Variants in ARHGEF7 observed in about 807,000 individuals in gnomAD.
The protein encoded by ARHGEF7 is PAK-interacting exchange factor beta.
A neutral mutation model predicts 109.8 loss-of-function variants in ARHGEF7; 33 were observed. The ratio of observed to expected loss-of-function variants is 0.30; its 90% CI spans 0.23 to 0.40. The LOEUF is 0.40. Among genes scored for constraint, ARHGEF7 ranks in the 10% least tolerant of loss-of-function variants. The pLI, the probability that ARHGEF7 is intolerant of heterozygous loss-of-function variation, is 1.00. For synonymous variants in ARHGEF7, 458 were observed against 424.6 expected (o/e 1.08, Z -0.97); for missense variants, 938 against 1,098.5 (o/e 0.85, Z 2.07).
intron 19 of ARHGEF7, chr13:111,294,305 G>A (rs1021365626): frequency 4.1e-6 from 4 of 985,334 alleles, no homozygotes; most frequent in Non-Finnish European, 4.8e-6. Context: ...ACTCATTAGC[G>A]CACTGGCTAA....
intron 8 of ARHGEF7, among the ~76,000 whole-genome samples, chr13:111,252,492 T>G (rs1403339542): frequency 2.0e-5 from 3 of 152,216 alleles, no homozygotes; most frequent in African/African-American, 7.2e-5. Flanking sequence ...TGCTGCAAAT[T>G]AAATGATTGC....
rs746859782 is a variant in ARHGEF7 at position 111,286,130 on chromosome 13, C to A, written c.1951-17C>A. 1 of 1,600,906 alleles carries A rather than the reference C, an allele frequency of 6.2e-7. No individual in the cohort carries two copies. Among genetic ancestry groups the A allele is most frequent in the East Asian group, 2.2e-5 (1 of 44,802 alleles). ...TGGCTTTAGAGTATGTTAGCATTTT[C>A]TTTTGTCTTTCCCTAGGATCTTAGT... On this transcript the variant is annotated splice_polypyrimidine_tract_variant and intron_variant, in intron 16 of 21. Transcript: ENST00000646102.
intron 2 of ARHGEF7, among the ~76,000 whole-genome samples, chr13:111,199,576 G>A (rs1335133253): frequency 6.6e-6 from 1 of 152,176 alleles, no homozygotes; most frequent in African/African-American, 2.4e-5. Context: ...TCTTCCTCAT[G>A]TCCAAATGAG....
chr13:111,288,141 A>G lies in ARHGEF7; in HGVS notation c.2045-213A>G, dbSNP rs78237557. On this transcript the variant is annotated intron_variant, in intron 17 of 21. Coordinates refer to ENST00000646102, the MANE Select transcript of ARHGEF7 (RefSeq NM_001354046.2). Reference sequence around the variant, plus strand: ...AGTTAGGATGTTCGCCGTTTTTCCAAATGTGTTGCAAATATTTTTATTTGC... The same window carrying G: ...AGTTAGGATGTTCGCCGTTTTTCCAGATGTGTTGCAAATATTTTTATTTGC... 0.021 allele frequency among the ~76,000 whole-genome samples: 3,261 copies of G among 152,206 alleles called. 119 individuals carry two copies. Among genetic ancestry groups the G allele is most frequent in the African/African-American group, 0.075 (3,108 of 41,508 alleles).
At chr13:111,243,356 A>G (rs986258605) in intron 6 of ARHGEF7, among the ~76,000 whole-genome samples, 3 of 152,230 alleles carry the variant, frequency 2.0e-5, no homozygotes, top group Admixed American at 6.5e-5. Flanking sequence ...GAACCTATGT[A>G]TCACCTTAGA....
chr13:111,221,229 ATATAGATATATATGT>A (rs1566868865), intron 5 of ARHGEF7, among the ~76,000 whole-genome samples: 45 of 57,852 alleles, frequency 7.8e-4, no homozygotes, highest in Non-Finnish European at 1.4e-3. Flanking sequence ...ATATATATCT[ATATAGATATATATGT>A]CTATATATAT....
intron 2 of ARHGEF7, among the ~76,000 whole-genome samples, chr13:111,194,539 C>G (rs981259128): frequency 2.5e-4 from 38 of 152,190 alleles, no homozygotes; most frequent in African/African-American, 8.4e-4. Context: ...AAGATTAGGC[C>G]TAGATATTTG....
intron 2 of ARHGEF7, among the ~76,000 whole-genome samples, chr13:111,173,457 A>T (rs1443461516): frequency 6.6e-6 from 1 of 152,120 alleles, no homozygotes; most frequent in Non-Finnish European, 1.5e-5. Flanking sequence ...TCTTGGGAGG[A>T]TGCTCCACCT....
chr13:111,232,459 A>G (rs1246717123), intron 5 of ARHGEF7, among the ~76,000 whole-genome samples: 1 of 152,078 alleles, frequency 6.6e-6, no homozygotes, highest in Non-Finnish European at 1.5e-5. Flanking sequence ...AGACAGGCCC[A>G]CCCCATAGAG....
chr13:111,225,627 T>C (rs2085105945), intron 5 of ARHGEF7, among the ~76,000 whole-genome samples: 1 of 152,168 alleles, frequency 6.6e-6, no homozygotes, highest in African/African-American at 2.4e-5. Flanking sequence ...CTTGCACGAT[T>C]TCACAGCTTT....
chr13:111,285,960 C>T (rs114237395), intron 16 of ARHGEF7, among the ~76,000 whole-genome samples, 187 bp from the exon 17 acceptor site: 2,168 of 151,930 alleles, frequency 0.014, 47 homozygotes, highest in African/African-American at 0.05. Flanking sequence ...ACTGAAAATG[C>T]CCTATTGATT....
rs1230318655 is a variant in ARHGEF7 at position 111,221,498 on chromosome 13, T to G, written c.670+3618T>G. Among the ~76,000 whole-genome samples the G allele has an allele frequency of 5.6e-4, 50 of 89,334 alleles. 1 individual carries two copies. In the East Asian group the frequency reaches 9.9e-3, roughly 18 times the overall value. The allele number at this position is 89,334 out of a possible 152,430, so 58.6% of individuals were successfully genotyped here. On this transcript the variant is annotated intron_variant, in intron 5 of 21. Coordinates refer to ENST00000646102, the MANE Select transcript of ARHGEF7 (RefSeq NM_001354046.2). ...ATATATAGATATATATAGACATATA[T>G]ATATCTATATATATAGATATATATC...
At chr13:111,205,757 G>A (rs866190775) in intron 3 of ARHGEF7, among the ~76,000 whole-genome samples, 7 of 152,082 alleles carry the variant, frequency 4.6e-5, no homozygotes, top group African/African-American at 7.2e-5. Context: ...GTTTTGAGCT[G>A]TGACCATGAT....
intron 5 of ARHGEF7, among the ~76,000 whole-genome samples, chr13:111,221,634 A>G (rs1231642665): frequency 1.0e-5 from 1 of 97,646 alleles, no homozygotes; most frequent in Non-Finnish European, 2.1e-5. Flanking sequence ...ATATATATGT[A>G]TCTCCCCTTT....
intron 2 of ARHGEF7, among the ~76,000 whole-genome samples, chr13:111,197,687 T>G (rs2080696111): frequency 6.6e-6 from 1 of 152,220 alleles, no homozygotes; most frequent in Admixed American, 6.5e-5. Flanking sequence ...CAGGAATAGC[T>G]TTTGTTAGGC....
chr13:111,141,445 G>A (rs556129333), intron 1 of ARHGEF7, among the ~76,000 whole-genome samples: 6 of 152,154 alleles, frequency 3.9e-5, no homozygotes, highest in Admixed American at 3.3e-4. Context: ...CGAGCTATGG[G>A]GGAAGTGTCG....
At position 111,115,668 on chromosome 13, in the gene ARHGEF7, C is replaced by T; in HGVS notation, c.142C>T (p.Leu48=). The T allele has an allele frequency of 7.6e-7, 1 of 1,316,910 alleles. No homozygotes were observed. Among genetic ancestry groups the T allele is most frequent in the Non-Finnish European group, 9.7e-7 (1 of 1,025,766 alleles). 81.6% of individuals were successfully genotyped at this position (1,316,910 alleles called of 1,614,324 possible). ...GVVLCRLLER[L]LPGTIEKVYP... The stretch of plus-strand genomic sequence containing the variant: ...GGTCCTCTGCAGGCTGCTGGAGCGC[C>T]TGCTCCCCGGGACCATCGAGAAAGT... The change falls in exon 1 of 22, where the codon CTG becomes TTG. Residue 48 remains leucine, a synonymous_variant. Transcript: ENST00000646102.
At chr13:111,169,756 G>A (rs1317222998) in intron 2 of ARHGEF7, among the ~76,000 whole-genome samples, 1 of 152,166 alleles carries the variant, frequency 6.6e-6, no homozygotes, top group Non-Finnish European at 1.5e-5. Flanking sequence ...TTACAGTAAT[G>A]AACATTTAAT....
chr13:111,291,071 C>T (rs2093261230), intron 18 of ARHGEF7, among the ~76,000 whole-genome samples: 1 of 152,196 alleles, frequency 6.6e-6, no homozygotes. Context: ...AAGTAACGGC[C>T]CTCACAGTCT....
Sources: allele counts gnomAD v4.1 joint callset (sites outside exome capture counted in the v4.1 genomes callset), GRCh38; gene constraint gnomAD v4.1.1; transcripts MANE v1.5; gene names NCBI Gene and HGNC (gene_info 2026-07-23, HGNC 2026-07-21).